The following RAB6A variants were observed in gnomAD, a reference collection of about 807,000 sequenced individuals.
RAB6A encodes the protein RAB6A, member RAS oncogene family.
In RAB6A, 8 loss-of-function variants were observed where a neutral mutation model predicts 32.3. The observed-to-expected ratio is 0.25, with a 90% CI of 0.15 to 0.45. The LOEUF is 0.45. Among genes scored for constraint, RAB6A ranks in the 20% least tolerant of loss-of-function variants. The pLI is 1.00. For synonymous variants in RAB6A, 73 were observed against 82.1 expected (o/e 0.89, Z 0.60); for missense variants, 104 against 249.4 (o/e 0.42, Z 3.93).
intron 1 of RAB6A, among the ~76,000 whole-genome samples, chr11:73,731,103 TAAACAC>T (rs1250867379): frequency 1.3e-5 from 2 of 151,806 alleles, no homozygotes; most frequent in African/African-American, 2.4e-5. Flanking sequence ...AAAGGCCAAG[TAAACAC>T]TTACTTGGCC....
intron 4 of RAB6A, among the ~76,000 whole-genome samples, chr11:73,717,617 C>T (rs963967490): frequency 1.4e-4 from 22 of 152,116 alleles, no homozygotes; most frequent in African/African-American, 4.8e-4. Context: ...GCTAATTTTG[C>T]ATTTTTAGTA....
At chr11:73,706,468 C>T (rs545792336) in intron 6 of RAB6A, among the ~76,000 whole-genome samples, 3,169 of 151,290 alleles carry the variant, frequency 0.021, 112 homozygotes, top group African/African-American at 0.072. Flanking sequence ...GAGCCGAGAT[C>T]GCGCCACTGC....
At chr11:73,687,286 G>T (rs1485786996) in intron 6 of RAB6A, among the ~76,000 whole-genome samples, 1 of 152,096 alleles carries the variant, frequency 6.6e-6, no homozygotes, top group Non-Finnish European at 1.5e-5. Flanking sequence ...AGAATGAAAA[G>T]GGTTCTGGAT....
At chr11:73,720,823 T>G (rs778864827) in intron 3 of RAB6A, 23 bp downstream of exon 3, 1 of 1,578,398 alleles carries the variant, frequency 6.3e-7, no homozygotes, top group South Asian at 1.1e-5. Flanking sequence ...TGCAGAAAAT[T>G]GCACACTGAA....
intron 7 of RAB6A, 88 bp from the exon 8 acceptor site, chr11:73,678,050 C>T (rs1000710071): frequency 3.0e-6 from 4 of 1,348,452 alleles, no homozygotes; most frequent in African/African-American, 2.9e-5. Flanking sequence ...CCTTATATTC[C>T]TATCTGTCTT....
chr11:73,746,429 G>A (rs575019166), intron 1 of RAB6A, among the ~76,000 whole-genome samples: 1 of 152,124 alleles, frequency 6.6e-6, no homozygotes, highest in East Asian at 1.9e-4. Flanking sequence ...AGAAACACTT[G>A]AGCCCAGGGG....
chr11:73,714,209 A>ATATATAT (rs1555059762), intron 5 of RAB6A, among the ~76,000 whole-genome samples: 27 of 57,578 alleles, frequency 4.7e-4, no homozygotes, highest in African/African-American at 1.2e-3. Flanking sequence ...AAAAAAAAAA[A>ATATATAT]ATATATATAT....
At chr11:73,743,612 G>A in intron 1 of RAB6A, among the ~76,000 whole-genome samples, 1 of 151,836 alleles carries the variant, frequency 6.6e-6, no homozygotes, top group Admixed American at 6.6e-5. Context: ...GCGAGATCCT[G>A]TCTCAGAAAA....
intron 2 of RAB6A, among the ~76,000 whole-genome samples, chr11:73,723,162 G>A (rs1320028812): frequency 6.6e-6 from 1 of 152,046 alleles, no homozygotes. Context: ...TAAGGTACTA[G>A]AGTGATGAAC....
intron 6 of RAB6A, among the ~76,000 whole-genome samples, chr11:73,706,467 T>C (rs4444101): frequency 0.8 from 120,102 of 150,936 alleles, 47,989 homozygotes; most frequent in East Asian, 0.86. Context: ...TGAGCCGAGA[T>C]CGCGCCACTG....
chr11:73,692,676 C>A (rs976402982), intron 6 of RAB6A, among the ~76,000 whole-genome samples: 1 of 150,552 alleles, frequency 6.6e-6, no homozygotes, highest in Non-Finnish European at 1.5e-5. Flanking sequence ...GCCTGCCGGG[C>A]GCGGTGGCTC....
chr11:73,714,192 C>CAAAAAA, intron 5 of RAB6A, among the ~76,000 whole-genome samples: 1 of 66,142 alleles, frequency 1.5e-5, no homozygotes, highest in African/African-American at 6.1e-5. Flanking sequence ...AACTCCATCT[C>CAAAAAA]AAAAAAAAAA....
intron 1 of RAB6A, among the ~76,000 whole-genome samples, chr11:73,749,811 G>A (rs1792195): frequency 0.92 from 139,237 of 152,134 alleles, 63,897 homozygotes; most frequent in East Asian, 1. Context: ...GCAGTGAGCT[G>A]TGATCACATC....
intron 1 of RAB6A, among the ~76,000 whole-genome samples, chr11:73,733,358 G>A (rs1415086188): frequency 1.3e-5 from 2 of 152,018 alleles, no homozygotes; most frequent in Non-Finnish European, 1.5e-5. Context: ...AGATCAGCCT[G>A]GCCAACATGG....
At chr11:73,692,485 AGAGT>A (rs1339620737) in intron 6 of RAB6A, among the ~76,000 whole-genome samples, 5 of 135,562 alleles carry the variant, frequency 3.7e-5, no homozygotes, top group African/African-American at 5.6e-5. Flanking sequence ...CCTGAGCGAC[AGAGT>A]GAGACTCTGT....
At chr11:73,683,371 T>A (rs1945390908) in intron 6 of RAB6A, among the ~76,000 whole-genome samples, 1 of 147,406 alleles carries the variant, frequency 6.8e-6, no homozygotes, top group Non-Finnish European at 1.5e-5. Context: ...TCCTCCCACC[T>A]CAGCCTCCCA....
chr11:73,696,877 T>A (rs1412702634), intron 6 of RAB6A, among the ~76,000 whole-genome samples: 1 of 152,106 alleles, frequency 6.6e-6, no homozygotes, highest in African/African-American at 2.4e-5. Flanking sequence ...GTGCTGGGAT[T>A]ACCGGGCATG....
At chr11:73,708,478 GA>G (rs1945886591) in intron 5 of RAB6A, among the ~76,000 whole-genome samples, 1 of 151,802 alleles carries the variant, frequency 6.6e-6, no homozygotes, top group Non-Finnish European at 1.5e-5. Flanking sequence ...CGATTTTGTG[GA>G]TTTCTGTAAG....
intron 1 of RAB6A, among the ~76,000 whole-genome samples, chr11:73,748,910 A>G (rs976157699): frequency 6.6e-6 from 1 of 152,228 alleles, no homozygotes; most frequent in African/African-American, 2.4e-5. Flanking sequence ...AGATCAATTG[A>G]GGTAAGGAGT....
Sources: allele counts gnomAD v4.1 joint callset (sites outside exome capture counted in the v4.1 genomes callset), GRCh38; gene constraint gnomAD v4.1.1; transcripts MANE v1.5; gene names NCBI Gene and HGNC (gene_info 2026-07-23, HGNC 2026-07-21).